Variants in TENM3 observed in about 807,000 individuals in gnomAD.
The protein encoded by TENM3 is teneurin-3.
TENM3 carries 63 observed loss-of-function variants against 255.1 expected under a neutral mutation model. The ratio of observed to expected loss-of-function variants is 0.25; its 90% CI spans 0.20 to 0.30. The LOEUF (loss-of-function observed/expected upper bound fraction) is 0.30, where lower values mean the gene tolerates loss of function less well. Ranked by LOEUF, TENM3 falls within the 10% of genes least tolerant of loss-of-function variation. The pLI is 1.00. For missense variants in TENM3, 2,929 were observed against 3,461.1 expected (o/e 0.85, Z 3.86); for synonymous variants, 1,306 against 1,322.3 (o/e 0.99, Z 0.27).
In TENM3 at chr4:182,649,670, A is replaced by G. The variant is rs140450349; in HGVS notation, c.989-4101A>G. Reference sequence around the variant, plus strand: ...ATAGCCTGTTCTTAATTTCATTACTATCATCATCATATTACTGTAAAACTT... The same window carrying G: ...ATAGCCTGTTCTTAATTTCATTACTGTCATCATCATATTACTGTAAAACTT... On this transcript the variant is annotated intron_variant, in intron 5 of 27. Coordinates refer to ENST00000511685, the MANE Select transcript of TENM3 (RefSeq NM_001080477.4). 2.1e-3 allele frequency among the ~76,000 whole-genome samples: 311 copies of G among 150,618 alleles called. 4 individuals are homozygous for G. Among genetic ancestry groups the G allele is most frequent in the African/African-American group, 7.0e-3 (291 of 41,422 alleles).
chr4:182,721,024 T>C lies in TENM3; in HGVS notation c.2368+6791T>C, dbSNP rs181620290. Among the ~76,000 whole-genome samples, 878 of 151,998 alleles carry C rather than the reference T, an allele frequency of 5.8e-3. 10 individuals carry two copies. Among genetic ancestry groups the C allele is most frequent in the African/African-American group, 0.02 (828 of 41,496 alleles). On this transcript the variant is annotated intron_variant, in intron 13 of 27. Transcript: ENST00000511685. ...CTCAGGTGATCCACCCACCTCAGCC[T>C]GCCAAAGAGCTGGGATTACAGGCGT...
At chr4:182,337,915 G>A (rs2150595479) in intron 2 of TENM3, among the ~76,000 whole-genome samples, 1 of 152,270 alleles carries the variant, frequency 6.6e-6, no homozygotes, top group East Asian at 1.9e-4. Context: ...TAAGGTTCAA[G>A]AACATACAAA....
intron 1 of TENM3, among the ~76,000 whole-genome samples, chr4:182,297,761 G>A (rs1761587496): frequency 6.6e-6 from 1 of 152,244 alleles, no homozygotes; most frequent in Admixed American, 6.5e-5. Context: ...TACAAGTGGA[G>A]TATAGAACAG....
the TENM3 span, among the ~76,000 whole-genome samples, chr4:181,547,217 T>A: frequency 6.6e-6 from 1 of 152,146 alleles, no homozygotes; most frequent in African/African-American, 2.4e-5. Context: ...ATAATTAATA[T>A]CTTCAGAAAC....
At chr4:181,683,396 G>C in the TENM3 span, among the ~76,000 whole-genome samples, 1 of 152,008 alleles carries the variant, frequency 6.6e-6, no homozygotes, top group African/African-American at 2.4e-5. Context: ...ATTATGATGG[G>C]CCTCAAATGT....
At chr4:182,712,939 T>C (rs1392136144) in intron 12 of TENM3, among the ~76,000 whole-genome samples, 1 of 152,236 alleles carries the variant, frequency 6.6e-6, no homozygotes, top group East Asian at 1.9e-4. Context: ...CTCTCCTTGC[T>C]TCTGTCAGTG....
At chr4:182,518,105 A>G (rs1440061180) in intron 3 of TENM3, among the ~76,000 whole-genome samples, 1 of 152,142 alleles carries the variant, frequency 6.6e-6, no homozygotes, top group Non-Finnish European at 1.5e-5. Flanking sequence ...TCATATTCAT[A>G]GGAGTCTACT....
At chr4:182,148,673 A>G (rs142360416) in intron 1 of TENM3, among the ~76,000 whole-genome samples, 1 of 152,196 alleles carries the variant, frequency 6.6e-6, no homozygotes, top group Non-Finnish European at 1.5e-5. Flanking sequence ...TTATTTCATA[A>G]GATGGTGTAA....
At chr4:181,458,919 G>A in the TENM3 span, among the ~76,000 whole-genome samples, 11 of 151,928 alleles carry the variant, frequency 7.2e-5, no homozygotes, top group Admixed American at 2.6e-4. Context: ...TAAATACCTA[G>A]AGAGTGCTAT....
intron 3 of TENM3, among the ~76,000 whole-genome samples, chr4:182,445,623 A>C (rs1181657829): frequency 6.7e-6 from 1 of 149,814 alleles, no homozygotes; most frequent in East Asian, 2.0e-4. Flanking sequence ...TTTTTTTTTT[A>C]AATACAATTT....
At chr4:181,897,472 A>G in the TENM3 span, among the ~76,000 whole-genome samples, 1 of 152,218 alleles carries the variant, frequency 6.6e-6, no homozygotes, top group Non-Finnish European at 1.5e-5. Flanking sequence ...CTAATTTCAT[A>G]CTAACTAAAA....
At chr4:181,771,433 A>C in the TENM3 span, among the ~76,000 whole-genome samples, 3 of 152,344 alleles carry the variant, frequency 2.0e-5, no homozygotes, top group South Asian at 2.1e-4. Context: ...GGTTGAAGAA[A>C]AAAAGCAAGC....
At chr4:182,691,420 G>A (rs563836569) in intron 12 of TENM3, among the ~76,000 whole-genome samples, 1 of 152,292 alleles carries the variant, frequency 6.6e-6, no homozygotes, top group Non-Finnish European at 1.5e-5. Context: ...CCACTAGAAA[G>A]CAAAGGACAT....
At chr4:181,544,130 C>T in the TENM3 span, among the ~76,000 whole-genome samples, 2 of 151,856 alleles carry the variant, frequency 1.3e-5, no homozygotes, top group Non-Finnish European at 2.9e-5. Context: ...CCCCAGAATG[C>T]CAAATAATAC....
chr4:182,148,934 A>G (rs1313018681), intron 1 of TENM3, among the ~76,000 whole-genome samples: 1 of 152,070 alleles, frequency 6.6e-6, no homozygotes, highest in Non-Finnish European at 1.5e-5. Context: ...ATATAAGATT[A>G]ATATAGATTA....
chr4:181,456,586 G>C, the TENM3 span, among the ~76,000 whole-genome samples: 2 of 151,876 alleles, frequency 1.3e-5, no homozygotes, highest in African/African-American at 4.8e-5. Flanking sequence ...TGAGCAAGAT[G>C]AGTAAATGGG....
the TENM3 span, among the ~76,000 whole-genome samples, chr4:181,547,150 A>T: frequency 2.0e-5 from 3 of 152,222 alleles, no homozygotes; most frequent in African/African-American, 7.2e-5. Flanking sequence ...ATGAGGAAGT[A>T]AAATAAAATC....
chr4:182,499,272 T>G (rs767968388), intron 3 of TENM3, among the ~76,000 whole-genome samples: 1 of 152,082 alleles, frequency 6.6e-6, no homozygotes, highest in Non-Finnish European at 1.5e-5. Flanking sequence ...AAAAAGAAAA[T>G]AAATTACAGC....
At chr4:182,463,031 A>T (rs776552319) in intron 3 of TENM3, among the ~76,000 whole-genome samples, 16 of 152,136 alleles carry the variant, frequency 1.1e-4, no homozygotes, top group Non-Finnish European at 1.9e-4. Context: ...ACCCACATCT[A>T]GTCAGCCCTC....
Sources: gnomAD v4.1 joint callset for allele counts (sites outside exome capture counted in the v4.1 genomes callset) on GRCh38, gnomAD v4.1.1 for gene constraint, MANE v1.5 for transcripts, NCBI Gene and HGNC (gene_info 2026-07-23, HGNC 2026-07-21) for gene names.